The following CCDC13 variants were observed in gnomAD, a reference collection of about 807,000 sequenced individuals.
CCDC13 encodes coiled-coil domain-containing protein 13.
In CCDC13, 70 loss-of-function variants were observed where a neutral mutation model predicts 87.3. The observed-to-expected ratio is 0.80, with a 90% CI of 0.66 to 0.98. CCDC13 has a LOEUF of 0.98. Among genes scored for constraint, CCDC13 ranks in the 50% least tolerant of loss-of-function variants. The probability of loss-of-function intolerance (pLI) is 0.00; values close to 1 mark genes in which losing one functional copy is unlikely to be tolerated. For synonymous variants in CCDC13, 317 were observed against 360.3 expected (o/e 0.88, Z 1.36); for missense variants, 842 against 892.0 (o/e 0.94, Z 0.71).
chr3:42,758,242 TC>T lies in CCDC13; in HGVS notation c.103del (p.Glu35LysfsTer4). The T allele has an allele frequency of 6.2e-7, 1 of 1,613,930 alleles. No homozygotes were observed. The highest frequency in any genetic ancestry group is 8.5e-7 in the Non-Finnish European group (1 of 1,180,028). The part of the protein sequence containing the change: ...RLQKQMEKKR[E>X]KELSLKSRAD... Reference sequence around the variant, plus strand: ...TCTGCTTTTGAGGCTCAGTTCTTTTTCCCTCTTTTTCTCCATCTGCTTCTGT... The same window carrying T: ...TCTGCTTTTGAGGCTCAGTTCTTTTTCCTCTTTTTCTCCATCTGCTTCTGT... On this transcript the variant is annotated frameshift_variant, in exon 2 of 16. Coordinates refer to ENST00000310232, the MANE Select transcript of CCDC13 (RefSeq NM_144719.4). LOFTEE classifies it high-confidence loss of function.
At chr3:42,718,721 G>A (rs1402503435) in intron 13 of CCDC13, among the ~76,000 whole-genome samples, 1 of 152,088 alleles carries the variant, frequency 6.6e-6, no homozygotes, top group Non-Finnish European at 1.5e-5. Flanking sequence ...GGAAACCCCT[G>A]ACCCAAAGGC....
chr3:42,707,237 C>T lies in CCDC13; in HGVS notation c.*1743G>A, dbSNP rs148625614. On this transcript the variant is annotated 3_prime_UTR_variant, in exon 16 of 16. Coordinates refer to ENST00000310232, the MANE Select transcript of CCDC13 (RefSeq NM_144719.4). ...TGTTCAGACTCTACATCCAGCCCACCCCTCGCTGTCACACACTGTCCCCTC... is the reference window on the plus strand; with the variant it reads ...TGTTCAGACTCTACATCCAGCCCACTCCTCGCTGTCACACACTGTCCCCTC... Among the ~76,000 whole-genome samples, 105 of 152,288 alleles carry T rather than the reference C, an allele frequency of 6.9e-4. 3 individuals carry two copies. The East Asian group carries it at 0.019, about 27-fold the overall frequency.
At chr3:42,719,367 C>T (rs1278082850) in intron 13 of CCDC13, 1 of 150,434 alleles carries the variant, frequency 6.6e-6, no homozygotes, top group African/African-American at 2.5e-5. Flanking sequence ...CCCACTCTGC[C>T]TCAGGCAGTG....
intron 13 of CCDC13, 109 bp from the exon 14 acceptor site, chr3:42,713,425 T>C: frequency 9.9e-7 from 1 of 1,008,150 alleles, no homozygotes; most frequent in Non-Finnish European, 1.5e-6. Flanking sequence ...TTGGTAGTGA[T>C]GGGACCTCTT....
Position 42,758,171 on chromosome 3 carries a change from G to C in CCDC13, c.175C>G (p.Leu59Val), listed in dbSNP as rs1467598618. The C allele has an allele frequency of 5.0e-6, 8 of 1,613,938 alleles. No individual in the cohort carries two copies. In the Admixed American group the frequency reaches 1.3e-4, roughly 27 times the overall value. Residue 59 changes from leucine (L) to valine (V), a missense_variant, in exon 2 of 16, where the codon CTT (leucine) becomes GTT (valine). Leu to Val is a conservative substitution (Grantham distance 32). Transcript: ENST00000310232. ...EPLEVSDGLS[L>V]LHAGEPNSKN... ...GAGTTTGGCTCCCCTGCGTGGAGAA[G>C]GCTGAGGCCATCTGAAACCTCCAAG...
rs753454459 is a variant in CCDC13, at chr3:42,745,935, A to G, written c.813T>C (p.Val271=). The part of the protein sequence containing the change: ...TWRGRAQQIL[V]LQSKVQELEK... ...ATGACTCACTCACCTTGCTCTGCAA[A>G]ACAAGAATTTGTTGAGCCCGACCCC... The change falls in exon 7 of 16, where the codon GTT becomes GTC. Residue 271 remains valine, a synonymous_variant. Coordinates refer to ENST00000310232, the MANE Select transcript of CCDC13 (RefSeq NM_144719.4). 7.4e-6 allele frequency: 12 copies of G among 1,613,880 alleles called. No individual in the cohort carries two copies. In the South Asian group the frequency reaches 1.1e-4, roughly 15 times the overall value.
At chr3:42,763,555 A>G in intron 1 of CCDC13, among the ~76,000 whole-genome samples, 1 of 146,622 alleles carries the variant, frequency 6.8e-6, no homozygotes, top group Non-Finnish European at 1.5e-5. Flanking sequence ...CCCAGGCTGG[A>G]GCGCAGTGGC....
intron 7 of CCDC13, chr3:42,745,393 A>T (rs1355831044): frequency 6.5e-6 from 1 of 153,438 alleles, no homozygotes; most frequent in Non-Finnish European, 1.4e-5. Context: ...AGCTAAAGGA[A>T]CTTGCTTAAG....
chr3:42,744,123 G>T (rs114817722), intron 7 of CCDC13, among the ~76,000 whole-genome samples: 2 of 152,136 alleles, frequency 1.3e-5, no homozygotes, highest in African/African-American at 4.8e-5. Context: ...CATGGAATCT[G>T]CATTTTAAAT....
intron 10 of CCDC13, among the ~76,000 whole-genome samples, chr3:42,734,115 C>T (rs533480705): frequency 6.6e-6 from 1 of 152,170 alleles, no homozygotes. Context: ...TCCCTCAACC[C>T]CTTCCTCTTC....
chr3:42,743,712 C>G (rs997715794), intron 7 of CCDC13, among the ~76,000 whole-genome samples: 2 of 150,588 alleles, frequency 1.3e-5, no homozygotes, highest in African/African-American at 4.9e-5. Context: ...GTTGCCCAGG[C>G]TGGTCTTGAA....
At chr3:42,762,552 A>T (rs1037918731) in intron 1 of CCDC13, among the ~76,000 whole-genome samples, 3 of 152,134 alleles carry the variant, frequency 2.0e-5, no homozygotes, top group Admixed American at 6.5e-5. Flanking sequence ...GGACACCAAG[A>T]CTCAGGGGAG....
At chr3:42,713,763 T>C (rs550882769) in intron 13 of CCDC13, among the ~76,000 whole-genome samples, 14 of 152,352 alleles carry the variant, frequency 9.2e-5, no homozygotes, top group African/African-American at 3.4e-4. Flanking sequence ...TGAATTGATA[T>C]TAGGTATCAG....
At chr3:42,754,707 T>G (rs1699668085) in intron 3 of CCDC13, among the ~76,000 whole-genome samples, 1 of 152,170 alleles carries the variant, frequency 6.6e-6, no homozygotes, top group Non-Finnish European at 1.5e-5. Context: ...GTGGTACGTT[T>G]CCTCCCAGGA....
Position 42,713,542 on chromosome 3 carries a change from T to A in CCDC13, c.1719-226A>T, listed in dbSNP as rs376292422. ...CCACTCCCAGCCCCATCATTCCCAA[T>A]TCCTGCTCTCTAAAAGCAATCACTT... On this transcript the variant is annotated intron_variant, in intron 13 of 15. Transcript: ENST00000310232. Among the ~76,000 whole-genome samples the A allele has an allele frequency of 5.3e-5, 8 of 152,362 alleles. No homozygotes were observed. In the East Asian group the frequency reaches 9.6e-4, roughly 18 times the overall value.
At chr3:42,748,424 G>A (rs975727379) in intron 5 of CCDC13, among the ~76,000 whole-genome samples, 1 of 152,246 alleles carries the variant, frequency 6.6e-6, no homozygotes, top group South Asian at 2.1e-4. Context: ...CATCCCATCA[G>A]GCAATGACGC....
rs1370037130 is a variant in CCDC13, at chr3:42,730,495, T to A, written c.1690A>T (p.Thr564Ser). The change falls in exon 13 of 16, where the codon ACC becomes TCC. Residue 564 changes from threonine (T) to serine (S), a missense_variant. Physicochemically the swap from Thr to Ser is moderately conservative, Grantham distance 58. Coordinates refer to ENST00000310232, the MANE Select transcript of CCDC13 (RefSeq NM_144719.4). ...TTCTGCAGGACAGTGACAAACTCGG[T>A]GAGCCGGTCACGCTCCACCTCGGCA... ...QAAEVERDRL[T>S]EFVTVLQKRV... is the part of the protein sequence containing the mutation. The A allele has an allele frequency of 6.2e-7, 1 of 1,614,076 alleles. No individual in the cohort carries two copies. The highest frequency in any genetic ancestry group is 2.2e-5 in the East Asian group (1 of 44,874).
intron 13 of CCDC13, among the ~76,000 whole-genome samples, chr3:42,729,270 A>C (rs773527446): frequency 6.6e-5 from 10 of 152,234 alleles, no homozygotes; most frequent in Non-Finnish European, 1.2e-4. Flanking sequence ...TGATAGACTA[A>C]AGACTTGTAC....
intron 15 of CCDC13, 43 bp downstream of exon 15, chr3:42,709,641 T>A (rs766776495): frequency 6.6e-7 from 1 of 1,521,412 alleles, no homozygotes; most frequent in Non-Finnish European, 9.1e-7. Context: ...GCACCTCTGC[T>A]CAGACAACCC....
Sources: allele counts gnomAD v4.1 joint callset (sites outside exome capture counted in the v4.1 genomes callset), GRCh38; gene constraint gnomAD v4.1.1; transcripts MANE v1.5; gene names NCBI Gene and HGNC (gene_info 2026-07-23, HGNC 2026-07-21).